ASPRV1: variants seen among roughly 807,000 people sequenced by gnomAD.
The protein encoded by ASPRV1 is retroviral-like aspartic protease 1.
Under a neutral mutation model 11.0 loss-of-function variants are expected in ASPRV1, and 7 were observed. The observed-to-expected ratio is 0.64, with a 90% CI of 0.36 to 1.20. The LOEUF is 1.20. Among genes scored for constraint, ASPRV1 ranks in the 50% most tolerant of loss-of-function variants. The probability of loss-of-function intolerance (pLI) is 0.02; values close to 1 mark genes in which losing one functional copy is unlikely to be tolerated. For synonymous variants in ASPRV1, 136 were observed against 138.4 expected (o/e 0.98, Z 0.12); for missense variants, 299 against 320.0 (o/e 0.93, Z 0.50).
chr2:69,971,738 A>T, the ASPRV1 span, among the ~76,000 whole-genome samples: 3 of 152,128 alleles, frequency 2.0e-5, no homozygotes, highest in South Asian at 4.1e-4. Flanking sequence ...CATGTAGCCA[A>T]GCCAGCCCTG....
chr2:69,990,790 G>A, the ASPRV1 span, among the ~76,000 whole-genome samples: 1 of 152,016 alleles, frequency 6.6e-6, no homozygotes, highest in Non-Finnish European at 1.5e-5. Context: ...GCCTGGACAA[G>A]GACACTTTCT....
chr2:70,058,393 C>G, the ASPRV1 span, among the ~76,000 whole-genome samples: 15 of 152,074 alleles, frequency 9.9e-5, no homozygotes, highest in African/African-American at 3.6e-4. Flanking sequence ...CAGGCACGCG[C>G]CACTGCACTC....
Position 69,960,433 on chromosome 2 carries a change from G to C in ASPRV1, c.*224C>G, listed in dbSNP as rs986520374. Reference sequence around the variant, plus strand: ...GCAGCTTGATGACCATGGGGACCCTGTCCCTCTAAGCCAGCCTGCTCTCCC... The same window carrying C: ...GCAGCTTGATGACCATGGGGACCCTCTCCCTCTAAGCCAGCCTGCTCTCCC... On this transcript the variant is annotated 3_prime_UTR_variant, in exon 1 of 1. Transcript: ENST00000320256. 5.6e-6 allele frequency: 3 copies of C among 538,534 alleles called. No individual in the cohort carries two copies. The African/African-American group carries it at 5.6e-5, about 10-fold the overall frequency. The allele number at this position is 538,534 out of a possible 1,614,324, so 33.4% of individuals were successfully genotyped here.
chr2:69,997,396 T>C, the ASPRV1 span, among the ~76,000 whole-genome samples: 1 of 152,276 alleles, frequency 6.6e-6, no homozygotes, highest in South Asian at 2.1e-4. Context: ...GAAGGAATTG[T>C]CACAATCTCT....
chr2:69,980,163 C>T, the ASPRV1 span, among the ~76,000 whole-genome samples: 11 of 152,192 alleles, frequency 7.2e-5, no homozygotes, highest in African/African-American at 2.2e-4. Flanking sequence ...TAGGATGCAG[C>T]ACCAGTCACA....
the ASPRV1 span, among the ~76,000 whole-genome samples, chr2:70,025,840 T>C: frequency 2.6e-5 from 4 of 152,224 alleles, no homozygotes; most frequent in Admixed American, 6.5e-5. Flanking sequence ...TGACCAGGCA[T>C]GTCCAAATGC....
the ASPRV1 span, among the ~76,000 whole-genome samples, chr2:70,074,540 T>A: frequency 1.3e-5 from 2 of 151,344 alleles, no homozygotes; most frequent in African/African-American, 2.4e-5. Flanking sequence ...CCTCCCAAAG[T>A]ACTGGGATTA....
At chr2:70,075,347 CAAAAAAAAAA>C in the ASPRV1 span, 1 of 55,542 alleles carries the variant, frequency 1.8e-5, no homozygotes, top group African/African-American at 5.1e-5. Context: ...GACAACATCT[CAAAAAAAAAA>C]AAAAAAAAAA....
chr2:70,043,926 G>A, the ASPRV1 span, among the ~76,000 whole-genome samples: 1 of 152,104 alleles, frequency 6.6e-6, no homozygotes, highest in Non-Finnish European at 1.5e-5. Context: ...AACCAGCACT[G>A]TCAGCTGCTT....
chr2:69,978,196 C>T, the ASPRV1 span, among the ~76,000 whole-genome samples: 65 of 152,296 alleles, frequency 4.3e-4, no homozygotes, highest in African/African-American at 1.5e-3. Flanking sequence ...GAAATGCTTG[C>T]TCCAACCCCC....
the ASPRV1 span, among the ~76,000 whole-genome samples, chr2:70,074,804 T>C: frequency 6.6e-6 from 1 of 151,296 alleles, no homozygotes; most frequent in Non-Finnish European, 1.5e-5. Flanking sequence ...CTACAAGCAG[T>C]AGAGTGCAGA....
the ASPRV1 span, chr2:70,046,737 G>A: frequency 1.3e-5 from 2 of 152,152 alleles, no homozygotes; most frequent in Admixed American, 1.3e-4. Flanking sequence ...TGAAGGTGAA[G>A]TCTAGGGTGA....
the ASPRV1 span, among the ~76,000 whole-genome samples, chr2:69,984,895 C>T: frequency 1.4e-5 from 2 of 147,898 alleles, no homozygotes; most frequent in African/African-American, 5.0e-5. Context: ...CTCGCTCTGT[C>T]GCCCAGGCTA....
At chr2:69,968,072 ACT>A in the ASPRV1 span, among the ~76,000 whole-genome samples, 6 of 152,226 alleles carry the variant, frequency 3.9e-5, no homozygotes, top group East Asian at 1.2e-3. Flanking sequence ...ACAGAGCAAG[ACT>A]CTGTCTCAAA....
the ASPRV1 span, chr2:69,995,479 T>C: frequency 2.0e-5 from 3 of 152,066 alleles, no homozygotes; most frequent in South Asian, 2.1e-4. Flanking sequence ...TTTCTCACCA[T>C]AAGCAGTGGT....
chr2:70,040,732 G>C, the ASPRV1 span, among the ~76,000 whole-genome samples: 41 of 152,228 alleles, frequency 2.7e-4, no homozygotes, highest in African/African-American at 9.4e-4. Context: ...TACTCGGGAG[G>C]CTGAGGCAGG....
At chr2:69,941,177 T>C in the ASPRV1 span, 1 of 152,356 alleles carries the variant, frequency 6.6e-6, no homozygotes, top group East Asian at 1.9e-4. Context: ...TGCACTCTTA[T>C]TGATACCATC....
At chr2:69,938,767 C>T in the ASPRV1 span, 2 of 155,590 alleles carry the variant, frequency 1.3e-5, no homozygotes, top group African/African-American at 4.8e-5. Context: ...TTTAAGAGCA[C>T]TTAACCATGG....
chr2:69,978,879 G>A, the ASPRV1 span, among the ~76,000 whole-genome samples: 1 of 152,176 alleles, frequency 6.6e-6, no homozygotes, highest in Non-Finnish European at 1.5e-5. Flanking sequence ...ATTTGGACAA[G>A]AGGCCATATC....
Sources: gnomAD v4.1 joint callset for allele counts (sites outside exome capture counted in the v4.1 genomes callset) on GRCh38, gnomAD v4.1.1 for gene constraint, MANE v1.5 for transcripts, NCBI Gene and HGNC (gene_info 2026-07-23, HGNC 2026-07-21) for gene names.